SKIC2: variants seen among roughly 807,000 people sequenced by gnomAD.
SKIC2 encodes the protein superkiller complex protein 2.
chr6:31,962,039 A>G, the SKIC2 span: 1 of 1,613,098 alleles, frequency 6.2e-7, no homozygotes, highest in Non-Finnish European at 8.5e-7. This position sits in a 1 kb window ranked among gnomAD's most constrained non-coding sequence, Gnocchi z 5.0. Flanking sequence ...GCCCTGGCCC[A>G]GAAACACATG....
the SKIC2 span, chr6:31,968,592 G>A: frequency 1.3e-6 from 2 of 1,562,348 alleles, no homozygotes; most frequent in Non-Finnish European, 1.8e-6. The surrounding 1 kb of genome is among the most constrained non-coding windows in gnomAD (Gnocchi z 6.1). Flanking sequence ...TTCCTCTGTG[G>A]TCCCCTGTAG....
chr6:31,962,667 G>A, the SKIC2 span: 4 of 1,603,270 alleles, frequency 2.5e-6, no homozygotes, highest in South Asian at 4.4e-5. This position sits in a 1 kb window ranked among gnomAD's most constrained non-coding sequence, Gnocchi z 5.0. Context: ...TGAGGAGGGG[G>A]TGGAGACGAG....
the SKIC2 span, chr6:31,969,183 A>C: frequency 1.3e-6 from 2 of 1,553,076 alleles, no homozygotes; most frequent in African/African-American, 2.7e-5. The surrounding 1 kb of genome is among the most constrained non-coding windows in gnomAD (Gnocchi z 6.1). Flanking sequence ...CCAGCCCTGT[A>C]AGTGCCCCAA....
the SKIC2 span, chr6:31,960,769 G>A: frequency 6.7e-7 from 1 of 1,482,946 alleles, no homozygotes; most frequent in African/African-American, 1.4e-5. Context: ...TCTGAGCCTT[G>A]AGGAGGAAGA....
chr6:31,963,736 G>A, the SKIC2 span: 1 of 1,542,886 alleles, frequency 6.5e-7, no homozygotes, highest in Non-Finnish European at 8.7e-7. The surrounding 1 kb of genome is among the most constrained non-coding windows in gnomAD (Gnocchi z 5.3). Context: ...CTGCACAGGT[G>A]AGAACTGGGA....
the SKIC2 span, chr6:31,959,532 T>C: frequency 2.9e-6 from 2 of 696,686 alleles, no homozygotes; most frequent in Non-Finnish European, 5.2e-6. Flanking sequence ...GAAGGGGTGC[T>C]GGACAGATTA....
chr6:31,961,734 G>A, the SKIC2 span: 3 of 1,583,090 alleles, frequency 1.9e-6, no homozygotes, highest in Non-Finnish European at 2.6e-6. Flanking sequence ...ACTCCCAGCC[G>A]ACCCCTTGTC....
chr6:31,962,785 T>C, the SKIC2 span: 1 of 1,611,356 alleles, frequency 6.2e-7, no homozygotes, highest in African/African-American at 1.3e-5. The surrounding 1 kb of genome is among the most constrained non-coding windows in gnomAD (Gnocchi z 5.0). Context: ...GTTCACTATA[T>C]CAACGATGTC....
chr6:31,959,999 C>T, the SKIC2 span: 1 of 1,601,906 alleles, frequency 6.2e-7, no homozygotes, highest in African/African-American at 1.3e-5. Context: ...CTCATCTTGC[C>T]CTTGTTTCAG....
the SKIC2 span, chr6:31,969,536 C>A: frequency 6.2e-7 from 1 of 1,613,560 alleles, no homozygotes; most frequent in South Asian, 1.1e-5. This position sits in a 1 kb window ranked among gnomAD's most constrained non-coding sequence, Gnocchi z 6.1. Flanking sequence ...GTTGGCAGGG[C>A]TCTCAGGGAC....
chr6:31,968,073 C>A, the SKIC2 span: 1 of 1,612,942 alleles, frequency 6.2e-7, no homozygotes, highest in Non-Finnish European at 8.5e-7. This position sits in a 1 kb window ranked among gnomAD's most constrained non-coding sequence, Gnocchi z 6.1. Flanking sequence ...AGGCAGCAGC[C>A]AAAATTCAAG....
the SKIC2 span, chr6:31,967,713 AG>A: frequency 6.8e-6 from 11 of 1,612,540 alleles, no homozygotes; most frequent in Non-Finnish European, 9.3e-6. This position sits in a 1 kb window ranked among gnomAD's most constrained non-coding sequence, Gnocchi z 4.9. Context: ...GACCACCCCC[AG>A]GTCTCCTCGA....
the SKIC2 span, among the ~76,000 whole-genome samples, chr6:31,962,246 GGTTA>G: frequency 1.3e-5 from 2 of 152,146 alleles, no homozygotes; most frequent in African/African-American, 2.4e-5. The surrounding 1 kb of genome is among the most constrained non-coding windows in gnomAD (Gnocchi z 5.0). Context: ...GAATGACCTG[GGTTA>G]GTTTAGGAAG....
the SKIC2 span, chr6:31,962,939 G>A: frequency 1.4e-6 from 2 of 1,466,090 alleles, no homozygotes; most frequent in Non-Finnish European, 1.9e-6. This position sits in a 1 kb window ranked among gnomAD's most constrained non-coding sequence, Gnocchi z 5.0. Flanking sequence ...TGGGCAGAAG[G>A]GCGGCCCCTG....
At chr6:31,967,847 CT>C in the SKIC2 span, 1 of 1,612,950 alleles carries the variant, frequency 6.2e-7, no homozygotes, top group Non-Finnish European at 8.5e-7. This position sits in a 1 kb window ranked among gnomAD's most constrained non-coding sequence, Gnocchi z 4.9. Context: ...GGGATTCAAG[CT>C]GTTCCTGCCT....
the SKIC2 span, chr6:31,965,700 A>G: frequency 8.8e-6 from 7 of 798,106 alleles, no homozygotes; most frequent in Non-Finnish European, 1.3e-5. This position sits in a 1 kb window ranked among gnomAD's most constrained non-coding sequence, Gnocchi z 5.6. Flanking sequence ...CCTTATGCCT[A>G]CAAAGTAAGG....
the SKIC2 span, among the ~76,000 whole-genome samples, chr6:31,965,156 C>A: frequency 6.6e-6 from 1 of 152,172 alleles, no homozygotes; most frequent in Non-Finnish European, 1.5e-5. The surrounding 1 kb of genome is among the most constrained non-coding windows in gnomAD (Gnocchi z 5.6). Flanking sequence ...AAAACTATAT[C>A]ATACTCTGAG....
At chr6:31,966,656 G>T in the SKIC2 span, 13 of 1,603,640 alleles carry the variant, frequency 8.1e-6, no homozygotes, top group Non-Finnish European at 1.1e-5. The surrounding 1 kb of genome is among the most constrained non-coding windows in gnomAD (Gnocchi z 5.9). Context: ...AAGACTGGCT[G>T]GGGTTCAGTA....
the SKIC2 span, chr6:31,969,720 C>T: frequency 1.3e-6 from 2 of 1,585,764 alleles, no homozygotes; most frequent in Admixed American, 1.7e-5. This position sits in a 1 kb window ranked among gnomAD's most constrained non-coding sequence, Gnocchi z 6.1. Context: ...CAGTGAATGC[C>T]CCATGTAAAA....
Sources: allele counts gnomAD v4.1 joint callset (sites outside exome capture counted in the v4.1 genomes callset), GRCh38; gene constraint gnomAD v4.1.1; non-coding constraint Gnocchi (gnomAD v3.1); transcripts MANE v1.5; gene names NCBI Gene and HGNC (gene_info 2026-07-23, HGNC 2026-07-21).